The following MARCHF3 variants were observed in gnomAD, a reference collection of about 807,000 sequenced individuals.
MARCHF3 encodes the protein membrane associated ring-CH-type finger 3, also known as E3 ubiquitin-protein ligase MARCHF3.
MARCHF3 carries 13 observed loss-of-function variants against 24.2 expected under a neutral mutation model. The ratio of observed to expected loss-of-function variants is 0.54; its 90% CI spans 0.35 to 0.85. The LOEUF (loss-of-function observed/expected upper bound fraction) is 0.85. MARCHF3 is among the 40% of genes least tolerant of loss of function. The probability of loss-of-function intolerance (pLI) is 0.01; values close to 1 mark genes in which losing one functional copy is unlikely to be tolerated. For missense variants in MARCHF3, 276 were observed against 325.0 expected, an observed-to-expected ratio of 0.85 and a Z score of 1.16; for synonymous variants, 144 against 137.3, an observed-to-expected ratio of 1.05 and a Z score of -0.34.
chr5:126,908,409 A>G (rs1164660304), intron 3 of MARCHF3, among the ~76,000 whole-genome samples: 2 of 152,194 alleles, frequency 1.3e-5, no homozygotes, highest in African/African-American at 4.8e-5. Flanking sequence ...AATATCCTGC[A>G]GAATGTTTTC....
intron 1 of MARCHF3, among the ~76,000 whole-genome samples, chr5:127,018,198 C>T (rs926576366): frequency 6.6e-6 from 1 of 152,074 alleles, no homozygotes; most frequent in African/African-American, 2.4e-5. Flanking sequence ...TGGTGAAACC[C>T]CATCTCTACT....
chr5:126,900,741 G>A (rs1754077036), intron 3 of MARCHF3, among the ~76,000 whole-genome samples: 2 of 145,078 alleles, frequency 1.4e-5, no homozygotes, highest in South Asian at 4.4e-4. Flanking sequence ...TCACTCTGTT[G>A]CCCAGGCTGG....
chr5:126,949,452 G>T (rs74883474), intron 1 of MARCHF3, among the ~76,000 whole-genome samples: 1,642 of 152,310 alleles, frequency 0.011, 16 homozygotes, highest in Middle Eastern at 0.061. Flanking sequence ...GCCTCAAAAT[G>T]TCGAGCTATT....
At chr5:126,889,944 A>C (rs1753627221) in intron 3 of MARCHF3, among the ~76,000 whole-genome samples, 1 of 152,158 alleles carries the variant, frequency 6.6e-6, no homozygotes, top group South Asian at 2.1e-4. Flanking sequence ...CATGATTTTC[A>C]AGATTTCAGA....
At chr5:126,891,612 T>G (rs1424983493) in intron 3 of MARCHF3, among the ~76,000 whole-genome samples, 4 of 131,942 alleles carry the variant, frequency 3.0e-5, no homozygotes, top group Admixed American at 7.8e-5. Context: ...TATGCGGCGT[T>G]ATTTCTGAGG....
intron 1 of MARCHF3, among the ~76,000 whole-genome samples, chr5:126,985,317 C>T (rs1194461286): frequency 1.3e-5 from 2 of 152,068 alleles, no homozygotes; most frequent in African/African-American, 4.8e-5. Context: ...AATTAAACCA[C>T]AATCTGACTT....
intron 3 of MARCHF3, among the ~76,000 whole-genome samples, chr5:126,892,026 A>C (rs1753709928): frequency 6.6e-6 from 1 of 151,886 alleles, no homozygotes; most frequent in Non-Finnish European, 1.5e-5. Flanking sequence ...TTGGATTCCT[A>C]GGTATTTTAT....
chr5:126,934,595 C>T (rs1028941620), intron 1 of MARCHF3, among the ~76,000 whole-genome samples: 1 of 151,872 alleles, frequency 6.6e-6, no homozygotes, highest in Non-Finnish European at 1.5e-5. Flanking sequence ...ACAAAGCATC[C>T]CTAATTCCCT....
intron 1 of MARCHF3, among the ~76,000 whole-genome samples, chr5:126,924,703 G>A (rs1749236477): frequency 6.6e-6 from 1 of 152,118 alleles, no homozygotes; most frequent in Non-Finnish European, 1.5e-5. Context: ...ATGGAAAAAC[G>A]GCATATTTCT....
intron 1 of MARCHF3, among the ~76,000 whole-genome samples, chr5:126,948,413 A>G (rs1750101168): frequency 6.6e-6 from 1 of 152,230 alleles, no homozygotes; most frequent in Non-Finnish European, 1.5e-5. Context: ...GGTCAACTGT[A>G]ATTTCTACTG....
At chr5:126,985,832 G>GT (rs1751548175) in intron 1 of MARCHF3, among the ~76,000 whole-genome samples, 1 of 152,066 alleles carries the variant, frequency 6.6e-6, no homozygotes, top group South Asian at 2.1e-4. Flanking sequence ...ACACACAGTT[G>GT]TTTTTGATTC....
At chr5:127,012,191 A>G (rs1561472769) in intron 1 of MARCHF3, among the ~76,000 whole-genome samples, 2 of 152,192 alleles carry the variant, frequency 1.3e-5, no homozygotes. Context: ...TTATTTTTAT[A>G]TTTAGCACAA....
At chr5:126,914,182 A>G (rs940416979) in intron 3 of MARCHF3, among the ~76,000 whole-genome samples, 3 of 151,674 alleles carry the variant, frequency 2.0e-5, no homozygotes, top group African/African-American at 7.3e-5. Context: ...ACGGGGTTTC[A>G]CAGTGTTAGC....
chr5:127,013,515 C>T (rs1400839694), intron 1 of MARCHF3, among the ~76,000 whole-genome samples: 2 of 152,072 alleles, frequency 1.3e-5, no homozygotes, highest in African/African-American at 4.8e-5. Context: ...GATGAGTTCT[C>T]ACAATTATAC....
At chr5:126,929,838 A>G (rs530188559) in intron 1 of MARCHF3, among the ~76,000 whole-genome samples, 1 of 152,258 alleles carries the variant, frequency 6.6e-6, no homozygotes, top group African/African-American at 2.4e-5. Context: ...GTGATAGTGA[A>G]TAAGTCTCAC....
intron 3 of MARCHF3, among the ~76,000 whole-genome samples, chr5:126,902,565 T>C (rs1287480673): frequency 6.6e-6 from 1 of 152,138 alleles, no homozygotes; most frequent in Non-Finnish European, 1.5e-5. Flanking sequence ...ATTAATCCTT[T>C]ACCAGCAGTG....
chr5:126,894,051 T>C (rs1393197624), intron 3 of MARCHF3, among the ~76,000 whole-genome samples: 2 of 140,732 alleles, frequency 1.4e-5, no homozygotes, highest in African/African-American at 2.8e-5. Context: ...GTAATGGCCT[T>C]CTTTGTCTCT....
At chr5:127,020,365 G>A (rs1034676864) in intron 1 of MARCHF3, among the ~76,000 whole-genome samples, 1 of 152,160 alleles carries the variant, frequency 6.6e-6, no homozygotes, top group Non-Finnish European at 1.5e-5. Flanking sequence ...CAGAGAAGAG[G>A]TGCAATGTTG....
rs1341292302 is a variant in MARCHF3 at position 126,869,759 on chromosome 5, A to G, written c.*874T>C. On this transcript the variant is annotated 3_prime_UTR_variant, in exon 5 of 5. Transcript: ENST00000308660. ...TGCACTAAATGAGATGGGAGTGAGA[A>G]CAGCAACCTTTTTGCTTTTCCTTTT... The G allele has an allele frequency of 6.6e-6, 1 of 152,462 alleles. No individual in the cohort carries two copies. Among genetic ancestry groups the G allele is most frequent in the Non-Finnish European group, 1.5e-5 (1 of 68,002 alleles). The allele number at this position is 152,462 out of a possible 1,614,324, so 9.4% of individuals were successfully genotyped here. A position where few individuals can be genotyped will look rare whatever the true frequency, so the allele number is the denominator to read the frequency against.
Sources: allele counts gnomAD v4.1 joint callset (sites outside exome capture counted in the v4.1 genomes callset), GRCh38; gene constraint gnomAD v4.1.1; transcripts MANE v1.5; gene names NCBI Gene and HGNC (gene_info 2026-07-23, HGNC 2026-07-21).